Variants in PNPLA8 observed in about 807,000 individuals in gnomAD.
PNPLA8 encodes patatin like domain 8, phospholipase A2, also known as calcium-independent phospholipase A2-gamma.
PNPLA8 carries 39 observed loss-of-function variants against 76.9 expected under a neutral mutation model. That is an observed-to-expected ratio of 0.51 (90% CI 0.39 to 0.66). The LOEUF is 0.66. Among genes scored for constraint, PNPLA8 ranks in the 30% least tolerant of loss-of-function variants. The probability of loss-of-function intolerance (pLI) is 0.00; values close to 1 mark genes in which losing one functional copy is unlikely to be tolerated. For missense variants in PNPLA8, 887 were observed against 918.0 expected (o/e 0.97, Z 0.44); for synonymous variants, 301 against 307.9 (o/e 0.98, Z 0.24).
At chr7:108,490,259 T>G (rs1357297522) in intron 8 of PNPLA8, among the ~76,000 whole-genome samples, 1 of 152,158 alleles carries the variant, frequency 6.6e-6, no homozygotes, top group African/African-American at 2.4e-5. Context: ...ACCATCTAAG[T>G]ATGTCTAAGT....
chr7:108,490,778 C>T (rs1243430219), intron 8 of PNPLA8, among the ~76,000 whole-genome samples: 11 of 145,374 alleles, frequency 7.6e-5, no homozygotes, highest in South Asian at 4.3e-4. Context: ...AGCAAGACTC[C>T]GTCTCAAAAA....
chr7:108,476,526 AAACT>A (rs1368007718), intron 10 of PNPLA8, among the ~76,000 whole-genome samples: 2 of 152,230 alleles, frequency 1.3e-5, no homozygotes, highest in African/African-American at 2.4e-5. Context: ...GAACCCTTGT[AAACT>A]GTTTATAGGA....
chr7:108,488,061 T>G, intron 8 of PNPLA8, 108 bp from the exon 9 acceptor site: 1 of 524,944 alleles, frequency 1.9e-6, no homozygotes, highest in Non-Finnish European at 3.4e-6. Context: ...CAACTATATG[T>G]GTAACAAATA....
intron 1 of PNPLA8, 143 bp from the exon 2 acceptor site, chr7:108,521,664 T>G (rs1863747105): frequency 6.6e-6 from 1 of 152,328 alleles, no homozygotes; most frequent in African/African-American, 2.4e-5. Flanking sequence ...GACATTTTAG[T>G]GGAAACCTGA....
intron 5 of PNPLA8, 150 bp downstream of exon 5, chr7:108,502,341 G>A (rs1862012670): frequency 5.0e-6 from 3 of 595,800 alleles, no homozygotes; most frequent in African/African-American, 3.9e-5. Flanking sequence ...TACTTGAGAG[G>A]GTGAGGCAGG....
At chr7:108,492,838 C>T (rs1563950176) in intron 7 of PNPLA8, among the ~76,000 whole-genome samples, 1 of 152,210 alleles carries the variant, frequency 6.6e-6, no homozygotes, top group Non-Finnish European at 1.5e-5. Flanking sequence ...TCATTGTATA[C>T]AGTCTCTTCC....
At chr7:108,496,380 C>T (rs886574385) in intron 7 of PNPLA8, 4 of 397,176 alleles carry the variant, frequency 1.0e-5, no homozygotes, top group Non-Finnish European at 1.8e-5. Context: ...CTCACACACA[C>T]AAACCCCCCA....
At chr7:108,505,335 TATATATATATATATA>T (rs1563967951) in intron 4 of PNPLA8, among the ~76,000 whole-genome samples, 117 of 9,810 alleles carry the variant, frequency 0.012, 1 homozygote, top group Middle Eastern at 0.019. Flanking sequence ...TATATATATA[TATATATATATATATA>T]TATTTTTTTT....
chr7:108,500,985 C>T (rs375326508), intron 5 of PNPLA8, among the ~76,000 whole-genome samples: 8 of 152,094 alleles, frequency 5.3e-5, no homozygotes, highest in African/African-American at 1.9e-4. Context: ...AGGTTAGCTT[C>T]CTTCTCTCAG....
intron 4 of PNPLA8, among the ~76,000 whole-genome samples, chr7:108,507,280 T>C (rs1003712023): frequency 7.2e-6 from 1 of 139,844 alleles, no homozygotes; most frequent in Non-Finnish European, 1.5e-5. Flanking sequence ...GAGGTGGAGG[T>C]TGCAGTGAGC....
chr7:108,496,808 T>C (rs1257241808), intron 6 of PNPLA8, 53 bp from the exon 7 acceptor site: 1 of 1,240,534 alleles, frequency 8.1e-7, no homozygotes, highest in Non-Finnish European at 1.1e-6. Context: ...GCCCTTATGA[T>C]GTAAGATTTC....
intron 4 of PNPLA8, among the ~76,000 whole-genome samples, chr7:108,508,624 C>G (rs571266583): frequency 9.9e-6 from 1 of 101,430 alleles, no homozygotes; most frequent in African/African-American, 3.9e-5. Context: ...AGATTCAATG[C>G]CATCCCCATC....
At chr7:108,473,369 T>C (rs1374856909) in intron 10 of PNPLA8, among the ~76,000 whole-genome samples, 1 of 152,140 alleles carries the variant, frequency 6.6e-6, no homozygotes, top group Non-Finnish European at 1.5e-5. Context: ...ATAACCCGAT[T>C]ATAAACATTT....
chr7:108,525,172 C>A (rs952398170), intron 1 of PNPLA8, among the ~76,000 whole-genome samples: 1 of 152,168 alleles, frequency 6.6e-6, no homozygotes, highest in African/African-American at 2.4e-5. Context: ...TTTGCATAAG[C>A]AATTTAACAA....
At chr7:108,510,907 T>C (rs1598950782) in intron 4 of PNPLA8, 2 of 1,587,618 alleles carry the variant, frequency 1.3e-6, no homozygotes, top group East Asian at 2.2e-5. Context: ...AGACCACCCA[T>C]TTTGTAGAAG....
intron 4 of PNPLA8, among the ~76,000 whole-genome samples, chr7:108,507,226 C>G (rs1253396660): frequency 6.6e-6 from 1 of 151,358 alleles, no homozygotes; most frequent in Non-Finnish European, 1.5e-5. Flanking sequence ...GCCTGTAGTC[C>G]CAGCTACTCG....
At chr7:108,476,349 C>T (rs10215195) in intron 10 of PNPLA8, among the ~76,000 whole-genome samples, 29,353 of 151,994 alleles carry the variant, frequency 0.19, 3,024 homozygotes, top group East Asian at 0.35. Context: ...TGCGACTGCC[C>T]GACTAAAGCC....
intron 10 of PNPLA8, among the ~76,000 whole-genome samples, chr7:108,475,746 G>A (rs1859944543): frequency 6.6e-6 from 1 of 152,024 alleles, no homozygotes; most frequent in South Asian, 2.1e-4. Context: ...CTATGCTATA[G>A]TGTAGAAACT....
intron 6 of PNPLA8, 56 bp downstream of exon 6, chr7:108,497,427 T>C (rs1039762222): frequency 2.3e-5 from 27 of 1,173,062 alleles, no homozygotes; most frequent in Non-Finnish European, 3.2e-5. Context: ...AAGTGCTTAA[T>C]GTTCTTTTCC....
Sources: allele counts gnomAD v4.1 joint callset (sites outside exome capture counted in the v4.1 genomes callset), GRCh38; gene constraint gnomAD v4.1.1; transcripts MANE v1.5; gene names NCBI Gene and HGNC (gene_info 2026-07-23, HGNC 2026-07-21).